ACBD7: variants seen among roughly 807,000 people sequenced by gnomAD.
ACBD7 encodes acyl-CoA-binding domain-containing protein 7.
In ACBD7, 11 loss-of-function variants were observed where a neutral mutation model predicts 13.7. The ratio of observed to expected loss-of-function variants is 0.80; its 90% CI spans 0.50 to 1.33. ACBD7 has a LOEUF of 1.33. Among genes scored for constraint, ACBD7 ranks in the 40% most tolerant of loss-of-function variants. The probability of loss-of-function intolerance (pLI) is 0.00; values close to 1 mark genes in which losing one functional copy is unlikely to be tolerated. For synonymous variants in ACBD7, 43 were observed against 37.7 expected, an observed-to-expected ratio of 1.14 and a Z score of -0.51; for missense variants, 111 against 103.0, an observed-to-expected ratio of 1.08 and a Z score of -0.33.
chr10:15,081,604 T>C (rs1481843655), intron 1 of ACBD7, among the ~76,000 whole-genome samples: 1 of 152,232 alleles, frequency 6.6e-6, no homozygotes, highest in East Asian at 1.9e-4. Context: ...CGCAATAATT[T>C]GCAGTCCTTC....
rs1844689485 is a variant in ACBD7 at position 15,076,978 on chromosome 10, C to T, written c.*1552G>A. 8.3e-6 allele frequency: 8 copies of T among 959,844 alleles called. No individual in the cohort carries two copies. The South Asian group carries it at 3.9e-4, about 46-fold the overall frequency. The allele number at this position is 959,844 out of a possible 1,614,324, so 59.5% of individuals were successfully genotyped here. A position where few individuals can be genotyped will look rare whatever the true frequency, so the allele number is the denominator to read the frequency against. On this transcript the variant is annotated 3_prime_UTR_variant, in exon 4 of 4. Coordinates refer to ENST00000356189, the MANE Select transcript of ACBD7 (RefSeq NM_001039844.3). ...GTGGAGAAAAGGGAATGCTTATACACTATTGGTGGGAATGTAAATTAGTAC... is the reference window on the plus strand; with the variant it reads ...GTGGAGAAAAGGGAATGCTTATACATTATTGGTGGGAATGTAAATTAGTAC...
chr10:15,086,668 G>A (rs191483593), intron 1 of ACBD7, among the ~76,000 whole-genome samples: 2 of 151,986 alleles, frequency 1.3e-5, no homozygotes, highest in Non-Finnish European at 2.9e-5. Context: ...TTGAGCTCAG[G>A]AGTTGGAGAT....
Position 15,076,096 on chromosome 10 carries a change from A to C in ACBD7, c.*2434T>G. The stretch of plus-strand genomic sequence containing the variant: ...AATTCCCTGGAAATTCATCTAGCAG[A>C]CCTAGATAGTTTTGTTGTTGTAGTA... On this transcript the variant is annotated 3_prime_UTR_variant, in exon 4 of 4. Transcript: ENST00000356189. The C allele has an allele frequency of 3.0e-6, 3 of 983,616 alleles. No homozygotes were observed. Among genetic ancestry groups the C allele is most frequent in the Non-Finnish European group, 3.6e-6 (3 of 828,282 alleles). The allele number at this position is 983,616 out of a possible 1,614,324, so 60.9% of individuals were successfully genotyped here. A position where few individuals can be genotyped will look rare whatever the true frequency, so the allele number is the denominator to read the frequency against.
intron 1 of ACBD7, among the ~76,000 whole-genome samples, chr10:15,087,336 G>C (rs1307453148): frequency 6.6e-6 from 1 of 152,100 alleles, no homozygotes; most frequent in African/African-American, 2.4e-5. Context: ...GGTTAACTAT[G>C]TCACAGGCTA....
chr10:15,086,696 C>A (rs1297133856), intron 1 of ACBD7, among the ~76,000 whole-genome samples: 1 of 151,698 alleles, frequency 6.6e-6, no homozygotes, highest in East Asian at 1.9e-4. Flanking sequence ...GGCAACACAG[C>A]AAAACCAAAT....
In ACBD7 at chr10:15,086,260, T is replaced by A. The variant is rs555253647; in HGVS notation, c.12+2457A>T. 8.6e-5 allele frequency among the ~76,000 whole-genome samples: 13 copies of A among 150,990 alleles called. No individual in the cohort carries two copies. The South Asian group carries it at 2.5e-3, about 29-fold the overall frequency. On this transcript the variant is annotated intron_variant, in intron 1 of 3. Coordinates refer to ENST00000356189, the MANE Select transcript of ACBD7 (RefSeq NM_001039844.3). ...AGGTGGAGGTTGCAGTGAGTCAAGA[T>A]CACGCCATTGCACTCCAGCCTGGGC...
At position 15,079,759 on chromosome 10, in the gene ACBD7, A is replaced by G. The variant is rs1378459348; in HGVS notation, c.13-719T>C. Among the ~76,000 whole-genome samples, 3 of 148,140 alleles carry G rather than the reference A, an allele frequency of 2.0e-5. No homozygotes were observed. The East Asian group carries it at 6.1e-4, about 30-fold the overall frequency. The stretch of plus-strand genomic sequence containing the variant: ...GCGCCTGGCTAAGTTTTGTATTTTT[A>G]GTAGACACGGGGTTTAACCATCTTG... On this transcript the variant is annotated intron_variant, in intron 1 of 3. Coordinates refer to ENST00000356189, the MANE Select transcript of ACBD7 (RefSeq NM_001039844.3).
Position 15,076,900 on chromosome 10 carries a change from C to T in ACBD7, c.*1630G>A, listed in dbSNP as rs879226914. 1 of 985,282 alleles carries T rather than the reference C, an allele frequency of 1.0e-6. No individual in the cohort carries two copies. The highest frequency in any genetic ancestry group is 6.2e-5 in the Admixed American group (1 of 16,254). 61.0% of individuals were successfully genotyped at this position (985,282 alleles called of 1,614,324 possible). A position where few individuals can be genotyped will look rare whatever the true frequency, so the allele number is the denominator to read the frequency against. Reference sequence around the variant, plus strand: ...CAAAAGAACAAACAGCTGTTCAAATCTGTACACATATTACCAGGGCTAGAC... The same window carrying T: ...CAAAAGAACAAACAGCTGTTCAAATTTGTACACATATTACCAGGGCTAGAC... On this transcript the variant is annotated 3_prime_UTR_variant, in exon 4 of 4. Coordinates refer to ENST00000356189, the MANE Select transcript of ACBD7 (RefSeq NM_001039844.3).
rs1844682741 is a variant in ACBD7 at position 15,076,452 on chromosome 10, T to G, written c.*2078A>C. Reference sequence around the variant, plus strand: ...GTAAAAATTTAAAGAAAAATAGATATTCCTATGGGGGCTTTTTAAATTTCT... The same window carrying G: ...GTAAAAATTTAAAGAAAAATAGATAGTCCTATGGGGGCTTTTTAAATTTCT... On this transcript the variant is annotated 3_prime_UTR_variant, in exon 4 of 4. Transcript: ENST00000356189. The G allele has an allele frequency of 2.1e-6, 2 of 969,668 alleles. No individual in the cohort carries two copies. The highest frequency in any genetic ancestry group is 3.5e-5 in the African/African-American group (2 of 56,866). The allele number at this position is 969,668 out of a possible 1,614,324, so 60.1% of individuals were successfully genotyped here.
intron 1 of ACBD7, among the ~76,000 whole-genome samples, chr10:15,079,888 T>C (rs987421923): frequency 1.3e-5 from 2 of 151,558 alleles, no homozygotes; most frequent in Non-Finnish European, 2.9e-5. Context: ...CTTTTCTTTT[T>C]TTTTTTTTTT....
chr10:15,077,518 T>C lies in ACBD7; in HGVS notation c.*1012A>G, dbSNP rs1844697244. On this transcript the variant is annotated 3_prime_UTR_variant, in exon 4 of 4. Transcript: ENST00000356189. The stretch of plus-strand genomic sequence containing the variant: ...ATGAGCAATTACCTTTTGGGTACAA[T>C]GTACAGTATTTTGGTGATGGTTACA... 6.6e-6 allele frequency: 1 copy of C among 152,046 alleles called. No individual in the cohort carries two copies. The highest frequency in any genetic ancestry group is 6.6e-5 in the Admixed American group (1 of 15,242). 9.4% of individuals were successfully genotyped at this position (152,046 alleles called of 1,614,324 possible).
At chr10:15,081,037 C>T (rs1844743340) in intron 1 of ACBD7, among the ~76,000 whole-genome samples, 1 of 152,096 alleles carries the variant, frequency 6.6e-6, no homozygotes, top group African/African-American at 2.4e-5. Flanking sequence ...AACCTCAGTA[C>T]CCTGCGGGCT....
Position 15,077,921 on chromosome 10 carries a change from T to C in ACBD7, c.*609A>G, listed in dbSNP as rs1284059061. 6.6e-6 allele frequency: 1 copy of C among 152,140 alleles called. No individual in the cohort carries two copies. The highest frequency in any genetic ancestry group is 2.4e-5 in the African/African-American group (1 of 41,384). 9.4% of individuals were successfully genotyped at this position (152,140 alleles called of 1,614,324 possible). Reference sequence around the variant, plus strand: ...ACTGCAACTGTACTCCCTAACTCTATAAAAATAAAAAATACTTTTCTAAAA... The same window carrying C: ...ACTGCAACTGTACTCCCTAACTCTACAAAAATAAAAAATACTTTTCTAAAA... On this transcript the variant is annotated 3_prime_UTR_variant, in exon 4 of 4. Coordinates refer to ENST00000356189, the MANE Select transcript of ACBD7 (RefSeq NM_001039844.3).
In ACBD7 at chr10:15,084,883, T is replaced by C. The variant is rs550198984; in HGVS notation, c.12+3834A>G. 9.2e-5 allele frequency among the ~76,000 whole-genome samples: 14 copies of C among 152,326 alleles called. No homozygotes were observed. In the East Asian group the frequency reaches 2.7e-3, roughly 29 times the overall value. Reference sequence around the variant, plus strand: ...GCCACACAGAAAGTGGGGAGGAGGTTGCAAAGGGAGTAGCCTCCGGTCCTT... The same window carrying C: ...GCCACACAGAAAGTGGGGAGGAGGTCGCAAAGGGAGTAGCCTCCGGTCCTT... On this transcript the variant is annotated intron_variant, in intron 1 of 3. Transcript: ENST00000356189.
chr10:15,080,688 G>C (rs1037081992), intron 1 of ACBD7, among the ~76,000 whole-genome samples: 3 of 152,180 alleles, frequency 2.0e-5, no homozygotes, highest in Non-Finnish European at 4.4e-5. Flanking sequence ...GGCTGGCCCA[G>C]GGTTCAGCCA....
At chr10:15,078,901 T>C in intron 2 of ACBD7, 22 bp downstream of exon 2, 2 of 1,245,732 alleles carry the variant, frequency 1.6e-6, no homozygotes, top group Non-Finnish European at 2.1e-6. Context: ...ATGAATATAT[T>C]AATATTAATA....
At chr10:15,086,664 TCAG>T (rs1447309197) in intron 1 of ACBD7, among the ~76,000 whole-genome samples, 2 of 151,608 alleles carry the variant, frequency 1.3e-5, no homozygotes, top group Non-Finnish European at 2.9e-5. Context: ...TCGCTTGAGC[TCAG>T]GAGTTGGAGA....
At chr10:15,088,691 G>T in intron 1 of ACBD7, 26 bp downstream of exon 1, 1 of 1,595,730 alleles carries the variant, frequency 6.3e-7, no homozygotes, top group Non-Finnish European at 8.5e-7. Flanking sequence ...CGCCCCTCCC[G>T]CGTGGCCTCC....
At chr10:15,085,159 C>T (rs1218353377) in intron 1 of ACBD7, among the ~76,000 whole-genome samples, 6 of 152,198 alleles carry the variant, frequency 3.9e-5, no homozygotes, top group African/African-American at 1.2e-4. Context: ...CATTATCTCC[C>T]GGTCACCCGA....
Sources: allele counts gnomAD v4.1 joint callset (sites outside exome capture counted in the v4.1 genomes callset), GRCh38; gene constraint gnomAD v4.1.1; transcripts MANE v1.5; gene names NCBI Gene and HGNC (gene_info 2026-07-23, HGNC 2026-07-21).